DAPK2: variants seen among roughly 807,000 people sequenced by gnomAD.
DAPK2 encodes death associated protein kinase 2.
A neutral mutation model predicts 44.1 loss-of-function variants in DAPK2; 35 were observed. The observed-to-expected ratio is 0.79, with a 90% confidence interval of 0.61 to 1.05. The LOEUF is 1.05. Among genes scored for constraint, DAPK2 ranks in the 50% least tolerant of loss-of-function variants. DAPK2 has a pLI of 0.00. For synonymous variants in DAPK2, 174 were observed against 182.6 expected, an observed-to-expected ratio of 0.95 and a Z score of 0.38; for missense variants, 453 against 483.2, an observed-to-expected ratio of 0.94 and a Z score of 0.59.
chr15:63,954,115 T>C lies in DAPK2; in HGVS notation c.454-14754A>G, dbSNP rs570457240. Among the ~76,000 whole-genome samples, 16 of 152,338 alleles carry C rather than the reference T, an allele frequency of 1.1e-4. No homozygotes were observed. The South Asian group carries it at 3.1e-3, about 30-fold the overall frequency. ...CTCCCATTCTGTGGGTTGTCTCTAC[T>C]TTGTTGATTGTTTTCTTTGCTGTGC... On this transcript the variant is annotated intron_variant, in intron 3 of 10. Transcript: ENST00000261891.
intron 2 of DAPK2, among the ~76,000 whole-genome samples, chr15:63,972,586 C>T (rs1417151183): frequency 6.6e-6 from 1 of 152,160 alleles, no homozygotes; most frequent in Non-Finnish European, 1.5e-5. Context: ...TAGCAGAGAA[C>T]GTGGCTGAAT....
chr15:63,939,064 C>A lies in DAPK2; in HGVS notation c.583+168G>T, dbSNP rs1327254010. 1.3e-5 allele frequency among the ~76,000 whole-genome samples: 2 copies of A among 152,150 alleles called. No individual in the cohort carries two copies. Among genetic ancestry groups the A allele is most frequent in the African/African-American group, 4.8e-5 (2 of 41,412 alleles). On this transcript the variant is annotated intron_variant, in intron 4 of 10. Transcript: ENST00000261891. This position sits in a 1 kb window ranked among gnomAD's most constrained non-coding sequence, Gnocchi z 4.3. ...TCAAAGCCTACACCTGGGCCCTCAT[C>A]CCCAGGCCCAATAAGACATTTCCTT...
intron 3 of DAPK2, among the ~76,000 whole-genome samples, chr15:63,942,845 C>T (rs548384019): frequency 6.6e-6 from 1 of 152,048 alleles, no homozygotes; most frequent in African/African-American, 2.4e-5. Flanking sequence ...CTGTAATACC[C>T]GAACACAGTG....
At chr15:63,988,507 CTT>C (rs758617949) in intron 1 of DAPK2, among the ~76,000 whole-genome samples, 38 of 141,850 alleles carry the variant, frequency 2.7e-4, no homozygotes, top group Non-Finnish European at 2.9e-4. Flanking sequence ...CCAGCTTTTC[CTT>C]TTTTTTTTTT....
At chr15:64,016,219 G>A (rs1478883170) in intron 1 of DAPK2, among the ~76,000 whole-genome samples, 2 of 152,180 alleles carry the variant, frequency 1.3e-5, no homozygotes, top group Admixed American at 6.5e-5. Flanking sequence ...CACAGCCATG[G>A]TCCTGTCCAC....
exon 10 of DAPK2, chr15:63,911,932 C>T: frequency 6.2e-7 from 1 of 1,613,928 alleles, no homozygotes; most frequent in African/African-American, 1.3e-5. Flanking sequence ...GCCTCAGGTG[C>T]ACCTTCTTCA....
intron 1 of DAPK2, among the ~76,000 whole-genome samples, chr15:63,997,425 T>A (rs1268319000): frequency 6.6e-6 from 1 of 152,170 alleles, no homozygotes; most frequent in Non-Finnish European, 1.5e-5. Context: ...CCTCCCAGGT[T>A]CAAGCAATTC....
chr15:63,953,692 C>G (rs1337495591), intron 3 of DAPK2, among the ~76,000 whole-genome samples: 1 of 152,170 alleles, frequency 6.6e-6, no homozygotes, highest in East Asian at 1.9e-4. Context: ...TTTGAGGAAC[C>G]TCCAAATGTT....
At chr15:64,041,760 C>T (rs1383334968), upstream of DAPK2, among the ~76,000 whole-genome samples, 1 of 152,238 alleles carries the variant, frequency 6.6e-6, no homozygotes, top group Non-Finnish European at 1.5e-5. Context: ...GCTGTCCTAA[C>T]TCTCAGCGGG....
chr15:64,019,807 C>T (rs2079633142), intron 1 of DAPK2, among the ~76,000 whole-genome samples: 3 of 152,204 alleles, frequency 2.0e-5, no homozygotes, highest in Admixed American at 6.5e-5. Context: ...TCTTGTTTTC[C>T]ATTCTCCCTG....
At chr15:63,968,701 A>T (rs1043506886) in intron 3 of DAPK2, among the ~76,000 whole-genome samples, 13 of 152,204 alleles carry the variant, frequency 8.5e-5, no homozygotes, top group Middle Eastern at 3.2e-3. Flanking sequence ...ATTTGCATTG[A>T]AGCTGAAAAG....
intron 1 of DAPK2, among the ~76,000 whole-genome samples, chr15:63,991,931 T>C (rs1010335502): frequency 2.6e-5 from 4 of 152,176 alleles, no homozygotes; most frequent in Non-Finnish European, 4.4e-5. Context: ...GGCTGTTCTG[T>C]ATGGGCCTGC....
At chr15:63,981,663 T>C (rs1334172128) in intron 2 of DAPK2, among the ~76,000 whole-genome samples, 1 of 152,152 alleles carries the variant, frequency 6.6e-6, no homozygotes, top group Non-Finnish European at 1.5e-5. Context: ...TAGTTTTTTT[T>C]TTTTCCTCCC....
chr15:64,045,295 C>T (rs1462100552), intron 1 of DAPK2, among the ~76,000 whole-genome samples: 1 of 152,202 alleles, frequency 6.6e-6, no homozygotes, highest in Non-Finnish European at 1.5e-5. Flanking sequence ...GCTCAAAAAA[C>T]ATCTTGGGAG....
upstream of DAPK2, among the ~76,000 whole-genome samples, chr15:64,040,771 T>A (rs2414839): frequency 0.19 from 29,052 of 151,526 alleles, 2,912 homozygotes; most frequent in South Asian, 0.25. Context: ...ATTAGCCGGG[T>A]ACGGTGGCAT....
At chr15:63,983,354 C>T (rs1393204352) in intron 2 of DAPK2, among the ~76,000 whole-genome samples, 179 bp downstream of exon 3, 3 of 152,188 alleles carry the variant, frequency 2.0e-5, no homozygotes, top group African/African-American at 2.4e-5. Flanking sequence ...GAGGAGGAAG[C>T]GGGTAAGGAG....
intron 1 of DAPK2, among the ~76,000 whole-genome samples, chr15:64,029,061 T>C (rs958066966): frequency 6.6e-6 from 1 of 151,776 alleles, no homozygotes; most frequent in Non-Finnish European, 1.5e-5. Flanking sequence ...ACACTGGCAA[T>C]AAATAAGTAG....
In DAPK2 at chr15:63,994,158, G is replaced by A. The variant is rs114773171; in HGVS notation, c.93-10404C>T. 2.9e-3 allele frequency among the ~76,000 whole-genome samples: 446 copies of A among 152,252 alleles called. 3 individuals are homozygous for A. Among genetic ancestry groups the A allele is most frequent in the African/African-American group, 8.2e-3 (342 of 41,542 alleles). ...TTGGCACTCAACTATAAGCCAGCCT[G>A]TAAGAGCCTGGAGAGTAAGAGGTGT... On this transcript the variant is annotated intron_variant, in intron 1 of 10. Coordinates refer to ENST00000261891, the Ensembl canonical transcript of DAPK2.
upstream of DAPK2, among the ~76,000 whole-genome samples, chr15:64,042,865 C>T (rs1198973540): frequency 1.3e-5 from 2 of 152,212 alleles, no homozygotes; most frequent in Admixed American, 6.5e-5. The surrounding 1 kb of genome is among the most constrained non-coding windows in gnomAD (Gnocchi z 4.7). Context: ...CAAATGCTAC[C>T]GTCTCTGTGC....
Sources: allele counts gnomAD v4.1 joint callset (sites outside exome capture counted in the v4.1 genomes callset), GRCh38; gene constraint gnomAD v4.1.1; non-coding constraint Gnocchi (gnomAD v3.1); transcripts MANE v1.5; gene names NCBI Gene and HGNC (gene_info 2026-07-23, HGNC 2026-07-21).